CCDC146: variants seen among roughly 807,000 people sequenced by gnomAD.
The protein encoded by CCDC146 is coiled-coil domain containing 146.
In CCDC146, 92 loss-of-function variants were observed where a neutral mutation model predicts 119.3. The observed-to-expected ratio is 0.77, with a 90% confidence interval of 0.65 to 0.92. The LOEUF (loss-of-function observed/expected upper bound fraction) is 0.92. Among genes scored for constraint, CCDC146 ranks in the 40% least tolerant of loss-of-function variants. The pLI, the probability that CCDC146 is intolerant of heterozygous loss-of-function variation, is 0.00. For missense variants in CCDC146, 1,000 were observed against 1,103.0 expected (o/e 0.91, Z 1.32); for synonymous variants, 372 against 371.8 (o/e 1.00, Z -0.01).
intron 1 of CCDC146, among the ~76,000 whole-genome samples, chr7:77,145,685 C>T (rs1791006709): frequency 6.6e-6 from 1 of 152,142 alleles, no homozygotes; most frequent in Admixed American, 6.6e-5. Flanking sequence ...ACCCAGTAGT[C>T]ATTCAGGAGC....
intron 2 of CCDC146, among the ~76,000 whole-genome samples, chr7:77,228,754 A>G (rs1435892387): frequency 6.6e-6 from 1 of 152,216 alleles, no homozygotes; most frequent in East Asian, 1.9e-4. Context: ...CAATGGCTGA[A>G]ATACTTACAC....
chr7:77,267,393 T>A (rs1173712044), intron 9 of CCDC146, among the ~76,000 whole-genome samples: 4 of 152,194 alleles, frequency 2.6e-5, no homozygotes, highest in Non-Finnish European at 5.9e-5. Context: ...TTTGTCCATG[T>A]ATTTCCCATT....
chr7:77,139,483 C>T (rs1247805176), intron 1 of CCDC146, among the ~76,000 whole-genome samples: 3 of 152,162 alleles, frequency 2.0e-5, no homozygotes, highest in Non-Finnish European at 4.4e-5. Flanking sequence ...GAATGTACAA[C>T]GCTAAGAGTG....
At chr7:77,248,808 C>T (rs992962049) in intron 4 of CCDC146, among the ~76,000 whole-genome samples, 2 of 152,184 alleles carry the variant, frequency 1.3e-5, no homozygotes, top group Admixed American at 6.5e-5. Context: ...ATTCTAGCAT[C>T]GTGTCCTCTC....
At position 77,228,724 on chromosome 7, in the gene CCDC146, G is replaced by A. The variant is rs934582371; in HGVS notation, c.157-8223G>A. 7.9e-5 allele frequency among the ~76,000 whole-genome samples: 12 copies of A among 152,260 alleles called. No homozygotes were observed. The East Asian group carries it at 2.3e-3, about 29-fold the overall frequency. The stretch of plus-strand genomic sequence containing the variant: ...GGTATTTCTGTCTTTAGATCTTTGA[G>A]GAATCACCACTGTCTTCTACAATGG... On this transcript the variant is annotated intron_variant, in intron 2 of 18. Coordinates refer to ENST00000285871, the MANE Select transcript of CCDC146 (RefSeq NM_020879.3).
intron 2 of CCDC146, among the ~76,000 whole-genome samples, chr7:77,190,967 A>G (rs527832449): frequency 6.6e-6 from 1 of 152,258 alleles, no homozygotes; most frequent in South Asian, 2.1e-4. Context: ...AACAATCACT[A>G]TTGGGCAGGT....
At chr7:77,135,391 G>C (rs1790847254) in intron 1 of CCDC146, among the ~76,000 whole-genome samples, 1 of 151,732 alleles carries the variant, frequency 6.6e-6, no homozygotes, top group Admixed American at 6.6e-5. Flanking sequence ...AGGAGGCTAA[G>C]ATGGGAAGAC....
At chr7:77,244,824 T>G (rs957526985) in intron 4 of CCDC146, among the ~76,000 whole-genome samples, 1 of 152,088 alleles carries the variant, frequency 6.6e-6, no homozygotes, top group Non-Finnish European at 1.5e-5. Context: ...AAAAAGTAGA[T>G]ATTTCCATCC....
chr7:77,222,110 G>A (rs1487900593), intron 2 of CCDC146, among the ~76,000 whole-genome samples: 2 of 152,182 alleles, frequency 1.3e-5, no homozygotes, highest in Non-Finnish European at 2.9e-5. Flanking sequence ...AGGATTTCAA[G>A]CCCCCTTACC....
intron 6 of CCDC146, chr7:77,257,093 G>T (rs957254319): frequency 6.5e-6 from 1 of 153,156 alleles, no homozygotes; most frequent in Admixed American, 6.5e-5. Context: ...GTGACAGAGT[G>T]AGACTCCCTC....
At chr7:77,206,648 CATATAT>C (rs59790661) in intron 2 of CCDC146, among the ~76,000 whole-genome samples, 38,046 of 139,016 alleles carry the variant, frequency 0.27, 5,165 homozygotes, top group African/African-American at 0.35. Context: ...AAGAAACATA[CATATAT>C]ATATATATAT....
Position 77,294,863 on chromosome 7 carries a change from C to G in CCDC146, c.2865C>G (p.Ile955Met). 1 of 1,613,100 alleles carries G rather than the reference C, an allele frequency of 6.2e-7. No homozygotes were observed. The highest frequency in any genetic ancestry group is 8.5e-7 in the Non-Finnish European group (1 of 1,179,720). Reference sequence around the variant, plus strand: ...AACCTGTTATAAAGCCAGTTGAAATCTGAATATGTGAACAAATCCAGGCCT... The same window carrying G: ...AACCTGTTATAAAGCCAGTTGAAATGTGAATATGTGAACAAATCCAGGCCT... ...IRKPVIKPVE[I>M] Residue 955 changes from isoleucine (I) to methionine (M), a missense_variant, in exon 19 of 19, where the codon ATC (isoleucine) becomes ATG (methionine). Physicochemically the swap from Ile to Met is conservative, Grantham distance 10. Transcript: ENST00000285871.
chr7:77,159,948 A>G (rs1185717850), intron 1 of CCDC146, among the ~76,000 whole-genome samples: 1 of 152,148 alleles, frequency 6.6e-6, no homozygotes, highest in African/African-American at 2.4e-5. Context: ...TTTTTGTATA[A>G]GGTGTAAGGA....
intron 1 of CCDC146, among the ~76,000 whole-genome samples, chr7:77,165,636 C>T (rs1791328122): frequency 1.3e-5 from 2 of 152,232 alleles, no homozygotes; most frequent in African/African-American, 4.8e-5. Context: ...GTAATAGGGA[C>T]AGCTACATCA....
chr7:77,274,863 C>T (rs1352043922), intron 11 of CCDC146, among the ~76,000 whole-genome samples: 1 of 152,074 alleles, frequency 6.6e-6, no homozygotes, highest in African/African-American at 2.4e-5. Flanking sequence ...GAACATCACA[C>T]ACCGGGGCCT....
intron 1 of CCDC146, among the ~76,000 whole-genome samples, chr7:77,146,940 A>T (rs189710838): frequency 3.3e-5 from 5 of 152,180 alleles, no homozygotes; most frequent in Non-Finnish European, 2.9e-5. Context: ...GTATTTCCTG[A>T]ATTTGAATGT....
Position 77,151,943 on chromosome 7 carries a change from C to T in CCDC146, c.-11-15715C>T, listed in dbSNP as rs6971322. ...GTGTAGTGCTCCCAGCCAGCCTCTGCACCTCTCCCGTGCCTCTCTGTGACC... is the reference window on the plus strand; with the variant it reads ...GTGTAGTGCTCCCAGCCAGCCTCTGTACCTCTCCCGTGCCTCTCTGTGACC... On this transcript the variant is annotated intron_variant, in intron 1 of 18. Transcript: ENST00000285871. 8.7e-3 allele frequency among the ~76,000 whole-genome samples: 1,329 copies of T among 152,302 alleles called. 62 individuals are homozygous for T. The East Asian group carries it at 0.14, about 16-fold the overall frequency.
At chr7:77,194,004 CTG>C (rs1218926973) in intron 2 of CCDC146, 2 of 152,372 alleles carry the variant, frequency 1.3e-5, no homozygotes, top group Non-Finnish European at 2.9e-5. Context: ...AATGGAATTT[CTG>C]TGTTACAGAA....
chr7:77,179,839 C>T lies in CCDC146; in HGVS notation c.156+12015C>T, dbSNP rs962110699. Among the ~76,000 whole-genome samples, 4 of 152,186 alleles carry T rather than the reference C, an allele frequency of 2.6e-5. No individual in the cohort carries two copies. In the East Asian group the frequency reaches 7.7e-4, roughly 29 times the overall value. On this transcript the variant is annotated intron_variant, in intron 2 of 18. Transcript: ENST00000285871. Reference sequence around the variant, plus strand: ...TTTCATATACAAAACTGAAATTCTACACCCATTAAACAACTCCCCAATTCC... The same window carrying T: ...TTTCATATACAAAACTGAAATTCTATACCCATTAAACAACTCCCCAATTCC...
Sources: allele counts gnomAD v4.1 joint callset (sites outside exome capture counted in the v4.1 genomes callset), GRCh38; gene constraint gnomAD v4.1.1; transcripts MANE v1.5; gene names NCBI Gene and HGNC (gene_info 2026-07-23, HGNC 2026-07-21).